The following UGT1A8 variants were observed in gnomAD, a reference collection of about 807,000 sequenced individuals.
UGT1A8 encodes UDP-glucuronosyltransferase 1A8.
UGT1A8 carries 39 observed loss-of-function variants against 45.3 expected under a neutral mutation model. The observed-to-expected ratio is 0.86, with a 90% CI of 0.67 to 1.12. UGT1A8 has a LOEUF of 1.12. Among genes scored for constraint, UGT1A8 ranks in the 50% most tolerant of loss-of-function variants. The pLI is 0.00. For missense variants in UGT1A8, 719 were observed against 664.9 expected (o/e 1.08, Z -0.90); for synonymous variants, 275 against 249.2 (o/e 1.10, Z -0.97).
At chr2:233,731,419 A>G (rs768089383) in intron 1 of UGT1A8, among the ~76,000 whole-genome samples, 3 of 151,914 alleles carry the variant, frequency 2.0e-5, no homozygotes, top group Non-Finnish European at 4.4e-5. Flanking sequence ...ATTTTTCCTA[A>G]TGCCATCCCT....
chr2:233,648,877 C>T lies in UGT1A8; in HGVS notation c.855+30315C>T, dbSNP rs1237408248. 2.3e-5 allele frequency: 29 copies of T among 1,274,844 alleles called. No homozygotes were observed. In the South Asian group the frequency reaches 3.2e-4, roughly 14 times the overall value. 79.0% of individuals were successfully genotyped at this position (1,274,844 alleles called of 1,614,324 possible). A position where few individuals can be genotyped will look rare whatever the true frequency, so the allele number is the denominator to read the frequency against. On this transcript the variant is annotated intron_variant, in intron 1 of 4. Transcript: ENST00000373450. The stretch of plus-strand genomic sequence containing the variant: ...CTTAAACATAGCCTCTGAAATTCTC[C>T]AAACACCTGTCATGGCATATGATCT...
At chr2:233,671,494 C>T (rs2741045) in intron 1 of UGT1A8, among the ~76,000 whole-genome samples, 32,890 of 152,092 alleles carry the variant, frequency 0.22, 4,574 homozygotes, top group South Asian at 0.33. Flanking sequence ...TTGCTTAGAG[C>T]ATGAGTTGCC....
chr2:233,637,985 T>C (rs1379161479), intron 1 of UGT1A8, among the ~76,000 whole-genome samples: 1 of 152,132 alleles, frequency 6.6e-6, no homozygotes, highest in African/African-American at 2.4e-5. Flanking sequence ...TATATAGCCA[T>C]TTTCCACTCT....
chr2:233,756,673 G>A (rs542273174), intron 1 of UGT1A8, among the ~76,000 whole-genome samples: 1 of 152,146 alleles, frequency 6.6e-6, no homozygotes, highest in Non-Finnish European at 1.5e-5. Flanking sequence ...ATTTCCGCTA[G>A]AACTGCTATA....
At chr2:233,682,639 T>C (rs200299318) in intron 1 of UGT1A8, 26 of 1,613,792 alleles carry the variant, frequency 1.6e-5, no homozygotes, top group Non-Finnish European at 2.2e-5. Context: ...CCTCTGAAAT[T>C]CTCCAAACCC....
chr2:233,682,355 A>T lies in UGT1A8; in HGVS notation c.855+63793A>T, dbSNP rs1273603871. 15 of 1,613,838 alleles carry T rather than the reference A, an allele frequency of 9.3e-6. No homozygotes were observed. Among genetic ancestry groups the T allele is most frequent in the South Asian group, 6.6e-5 (6 of 91,070 alleles). On this transcript the variant is annotated intron_variant, in intron 1 of 4. Coordinates refer to ENST00000373450, the MANE Select transcript of UGT1A8 (RefSeq NM_019076.5). ...AAAATTAGTAGAATACTTAAAGGAGAGTTGTTTTGATGCAGTGTTTCTCGA... is the reference window on the plus strand; with the variant it reads ...AAAATTAGTAGAATACTTAAAGGAGTGTTGTTTTGATGCAGTGTTTCTCGA...
At chr2:233,652,274 T>C (rs1245529823) in intron 1 of UGT1A8, among the ~76,000 whole-genome samples, 5 of 152,200 alleles carry the variant, frequency 3.3e-5, no homozygotes, top group Admixed American at 1.3e-4. Flanking sequence ...TCAACTTTTT[T>C]TTGTCAAAGT....
intron 1 of UGT1A8, among the ~76,000 whole-genome samples, chr2:233,757,306 A>AG (rs1394181032): frequency 1.3e-4 from 1 of 7,676 alleles, no homozygotes. Flanking sequence ...GTTGGGGGAC[A>AG]GGGGGGCTGG....
At chr2:233,638,423 T>G (rs1464204657) in intron 1 of UGT1A8, among the ~76,000 whole-genome samples, 1 of 152,250 alleles carries the variant, frequency 6.6e-6, no homozygotes. Context: ...ATGCATTAGA[T>G]GTACAATATA....
At chr2:233,736,562 G>T (rs1300440200) in intron 1 of UGT1A8, among the ~76,000 whole-genome samples, 1 of 152,158 alleles carries the variant, frequency 6.6e-6, no homozygotes, top group Non-Finnish European at 1.5e-5. Context: ...TGCTAGCAAG[G>T]AGCTGTGATC....
At chr2:233,717,497 T>A (rs2076580358) in intron 1 of UGT1A8, among the ~76,000 whole-genome samples, 1 of 152,206 alleles carries the variant, frequency 6.6e-6, no homozygotes, top group Admixed American at 6.5e-5. Flanking sequence ...GTTATCAATG[T>A]GGATTTCTAA....
At chr2:233,639,916 A>G (rs537903114) in intron 1 of UGT1A8, among the ~76,000 whole-genome samples, 1 of 152,334 alleles carries the variant, frequency 6.6e-6, no homozygotes, top group East Asian at 1.9e-4. Context: ...AATGAGAAAA[A>G]GAGGAAGTCA....
At chr2:233,665,636 G>C (rs972991310) in intron 1 of UGT1A8, among the ~76,000 whole-genome samples, 2 of 152,362 alleles carry the variant, frequency 1.3e-5, no homozygotes, top group African/African-American at 4.8e-5. Context: ...GGGCTCTGAG[G>C]TCTAAGGGCA....
At position 233,682,490 on chromosome 2, in the gene UGT1A8, G is replaced by A. The variant is rs1392204315; in HGVS notation, c.855+63928G>A. ...TCTTGAAGAAGGTGCACAGTGCCCT[G>A]CTCCTCTTTCCTATGTCCCCAGACT... On this transcript the variant is annotated intron_variant, in intron 1 of 4. Coordinates refer to ENST00000373450, the MANE Select transcript of UGT1A8 (RefSeq NM_019076.5). The A allele has an allele frequency of 5.6e-6, 9 of 1,613,902 alleles. No homozygotes were observed. Among genetic ancestry groups the A allele is most frequent in the South Asian group, 5.5e-5 (5 of 91,064 alleles).
chr2:233,722,534 T>C (rs2077021206), intron 1 of UGT1A8, among the ~76,000 whole-genome samples: 1 of 152,230 alleles, frequency 6.6e-6, no homozygotes, highest in Admixed American at 6.5e-5. Context: ...CTTAATGATT[T>C]CATCCTAGTT....
chr2:233,687,092 G>C (rs1460781839), intron 1 of UGT1A8, among the ~76,000 whole-genome samples: 4 of 152,196 alleles, frequency 2.6e-5, no homozygotes, highest in African/African-American at 9.7e-5. Flanking sequence ...CTTCAGCTGT[G>C]ACACTTGCGT....
chr2:233,679,408 G>T (rs2074451900), intron 1 of UGT1A8, among the ~76,000 whole-genome samples: 1 of 152,102 alleles, frequency 6.6e-6, no homozygotes, highest in African/African-American at 2.4e-5. Flanking sequence ...TTGAGGTTTG[G>T]CAGTTCTACT....
intron 1 of UGT1A8, among the ~76,000 whole-genome samples, chr2:233,644,907 G>C (rs2073558277): frequency 6.6e-6 from 1 of 151,892 alleles, no homozygotes; most frequent in African/African-American, 2.4e-5. Flanking sequence ...TGTCTTCTCT[G>C]TCCAGATTCT....
intron 1 of UGT1A8, among the ~76,000 whole-genome samples, chr2:233,625,369 T>G (rs1434044687): frequency 6.6e-6 from 1 of 152,044 alleles, no homozygotes; most frequent in Non-Finnish European, 1.5e-5. Flanking sequence ...TCATCCCCTG[T>G]GGGAAGTAGT....
Sources: gnomAD v4.1 joint callset for allele counts (sites outside exome capture counted in the v4.1 genomes callset) on GRCh38, gnomAD v4.1.1 for gene constraint, MANE v1.5 for transcripts, NCBI Gene and HGNC (gene_info 2026-07-23, HGNC 2026-07-21) for gene names.